The following ASAP1 variants were observed in gnomAD, a reference collection of about 807,000 sequenced individuals.
ASAP1 encodes the protein arf-GAP with SH3 domain, ANK repeat and PH domain-containing protein 1.
ASAP1 carries 43 observed loss-of-function variants against 145.2 expected under a neutral mutation model. The observed-to-expected ratio is 0.30, with a 90% CI of 0.23 to 0.38. ASAP1 has a LOEUF of 0.38. ASAP1 is among the 10% of genes least tolerant of loss of function. The pLI is 1.00. For missense variants in ASAP1, 1,018 were observed against 1,355.3 expected (o/e 0.75, Z 3.91); for synonymous variants, 546 against 515.5 (o/e 1.06, Z -0.80).
chr8:130,328,138 T>C (rs962015231), intron 3 of ASAP1, among the ~76,000 whole-genome samples: 2 of 152,186 alleles, frequency 1.3e-5, no homozygotes, highest in Non-Finnish European at 2.9e-5. Context: ...GTATTCTACA[T>C]GCATTTCTCG....
intron 3 of ASAP1, among the ~76,000 whole-genome samples, chr8:130,315,809 A>C (rs960353740): frequency 2.0e-5 from 3 of 152,226 alleles, no homozygotes; most frequent in African/African-American, 7.2e-5. Context: ...AAACCAATTC[A>C]CAACACTTCT....
chr8:130,275,944 A>G (rs896213328), intron 3 of ASAP1, among the ~76,000 whole-genome samples: 1 of 152,176 alleles, frequency 6.6e-6, no homozygotes, highest in Admixed American at 6.5e-5. Context: ...TGCAGAAGTA[A>G]AGGTACTGAT....
chr8:130,072,827 G>GCGCGCGCGCGCA (rs1455885983), intron 27 of ASAP1, among the ~76,000 whole-genome samples: 1 of 98,404 alleles, frequency 1.0e-5, no homozygotes, highest in East Asian at 2.8e-4. Context: ...GTGTGTGTGC[G>GCGCGCGCGCGCA]CGCGGGGGGG....
chr8:130,204,137 C>T (rs1586586829), intron 5 of ASAP1, among the ~76,000 whole-genome samples: 2 of 152,118 alleles, frequency 1.3e-5, no homozygotes, highest in South Asian at 4.2e-4. Flanking sequence ...AGTTCCGCCT[C>T]CTGTTAGATC....
chr8:130,332,270 A>G (rs1164008713), intron 3 of ASAP1, among the ~76,000 whole-genome samples: 1 of 152,240 alleles, frequency 6.6e-6, no homozygotes, highest in Non-Finnish European at 1.5e-5. Flanking sequence ...GGTCTACACC[A>G]TATCACCAAT....
At chr8:130,256,739 T>TTATATATGTA (rs1554860125) in intron 3 of ASAP1, among the ~76,000 whole-genome samples, 3 of 95,894 alleles carry the variant, frequency 3.1e-5, no homozygotes, top group African/African-American at 1.3e-4. Flanking sequence ...ATACACATTC[T>TTATATATGTA]TATATATATA....
intron 5 of ASAP1, among the ~76,000 whole-genome samples, chr8:130,209,550 T>TAA (rs145484434): frequency 0.038 from 5,309 of 138,716 alleles, 121 homozygotes; most frequent in Middle Eastern, 0.071. Flanking sequence ...GCTCTTACAG[T>TAA]AAAAAAAAAA....
At chr8:130,382,293 A>G (rs960077920) in intron 2 of ASAP1, among the ~76,000 whole-genome samples, 25 of 151,132 alleles carry the variant, frequency 1.7e-4, no homozygotes, top group Non-Finnish European at 5.9e-5. Flanking sequence ...CTCAAAAAAA[A>G]AAAAAAAAAA....
intron 1 of ASAP1, among the ~76,000 whole-genome samples, chr8:130,428,437 C>T (rs1332184205): frequency 2.4e-4 from 1 of 4,140 alleles, no homozygotes; most frequent in Admixed American, 2.6e-3. Flanking sequence ...TCATCATCAC[C>T]ACCACCACCA....
rs189487702 is a variant in ASAP1, at chr8:130,430,385, G to T, written c.-28+13075C>A. On this transcript the variant is annotated intron_variant, in intron 1 of 29. Coordinates refer to ENST00000518721, the MANE Select transcript of ASAP1 (RefSeq NM_018482.4). ...TTTTACTCACTCATCCCTCAGTAAG[G>T]CAAGTTATCTCCATTTCACAGCTGA... 2.6e-5 allele frequency among the ~76,000 whole-genome samples: 4 copies of T among 152,254 alleles called. No homozygotes were observed. In the East Asian group the frequency reaches 7.7e-4, roughly 29 times the overall value.
intron 25 of ASAP1, among the ~76,000 whole-genome samples, chr8:130,082,358 T>G (rs1592757881): frequency 6.6e-6 from 1 of 152,190 alleles, no homozygotes; most frequent in African/African-American, 2.4e-5. Context: ...GGCATTTATT[T>G]TTTTTCTTAT....
chr8:130,342,565 C>G (rs1286737902), intron 3 of ASAP1, among the ~76,000 whole-genome samples: 1 of 152,104 alleles, frequency 6.6e-6, no homozygotes, highest in Middle Eastern at 3.2e-3. Flanking sequence ...TTTCCAAACA[C>G]TGAGGAGGGC....
At chr8:130,347,295 C>T (rs1825754116) in intron 3 of ASAP1, among the ~76,000 whole-genome samples, 1 of 152,202 alleles carries the variant, frequency 6.6e-6, no homozygotes, top group African/African-American at 2.4e-5. Context: ...GCACAGTGCT[C>T]TGACCACAGT....
At chr8:130,134,437 T>A in intron 14 of ASAP1, 93 bp from the exon 15 acceptor site, 1 of 717,218 alleles carries the variant, frequency 1.4e-6, no homozygotes, top group Non-Finnish European at 2.1e-6. Flanking sequence ...AGAAAACCAG[T>A]AAAAGTAGAA....
intron 3 of ASAP1, among the ~76,000 whole-genome samples, chr8:130,252,991 C>A (rs139204644): frequency 6.6e-6 from 1 of 152,192 alleles, no homozygotes; most frequent in Admixed American, 6.6e-5. Context: ...AGCTTCCCAC[C>A]AGTTCTAAGA....
At chr8:130,296,942 G>A (rs1043757032) in intron 3 of ASAP1, among the ~76,000 whole-genome samples, 3 of 151,882 alleles carry the variant, frequency 2.0e-5, no homozygotes, top group Non-Finnish European at 4.4e-5. Flanking sequence ...TCTTTTTTGG[G>A]GGGCTAAGTG....
intron 27 of ASAP1, among the ~76,000 whole-genome samples, chr8:130,076,043 G>C (rs2097461610): frequency 6.6e-6 from 1 of 152,168 alleles, no homozygotes. Context: ...AGCTGGTGTT[G>C]GTTCCCAAGT....
At chr8:130,097,828 A>ATC (rs1311594083) in intron 24 of ASAP1, among the ~76,000 whole-genome samples, 2 of 152,196 alleles carry the variant, frequency 1.3e-5, no homozygotes, top group Non-Finnish European at 2.9e-5. Context: ...ATATATTCTT[A>ATC]AACTATGAAG....
chr8:130,344,943 T>C (rs1825617049), intron 3 of ASAP1, among the ~76,000 whole-genome samples: 1 of 152,216 alleles, frequency 6.6e-6, no homozygotes, highest in Non-Finnish European at 1.5e-5. Context: ...GGTATTGTTT[T>C]AGTTACAAAT....
Sources: gnomAD v4.1 joint callset for allele counts (sites outside exome capture counted in the v4.1 genomes callset) on GRCh38, gnomAD v4.1.1 for gene constraint, MANE v1.5 for transcripts, NCBI Gene and HGNC (gene_info 2026-07-23, HGNC 2026-07-21) for gene names.